RAB33A: variants seen among roughly 807,000 people sequenced by gnomAD.
RAB33A encodes RAB33A, member RAS oncogene family.
In RAB33A, 6 loss-of-function variants were observed where a neutral mutation model predicts 12.0. That is an observed-to-expected ratio of 0.50 (90% CI 0.27 to 0.99). The LOEUF is 0.99. Among genes scored for constraint, RAB33A ranks in the 50% least tolerant of loss-of-function variants. RAB33A has a pLI of 0.11. For synonymous variants in RAB33A, 70 were observed against 82.4 expected, an observed-to-expected ratio of 0.85 and a Z score of 0.81; for missense variants, 109 against 192.0, an observed-to-expected ratio of 0.57 and a Z score of 2.55.
At chrX:130,130,147 C>T in the RAB33A span, 5 of 1,210,130 alleles carry the variant, frequency 4.1e-6, no homozygotes, top group Admixed American at 6.6e-5. Context: ...CTGTCTCACT[C>T]TCTGATCGGA....
chrX:130,137,823 G>A, the RAB33A span: 1,960 of 815,102 alleles, frequency 2.4e-3, 29 homozygotes, highest in African/African-American at 0.039. Flanking sequence ...AGCACTTTGG[G>A]TGGCCGAGGT....
At chrX:130,174,601 C>T (rs925022760) in intron 1 of RAB33A, among the ~76,000 whole-genome samples, 4 of 112,096 alleles carry the variant, frequency 3.6e-5, no homozygotes, top group African/African-American at 1.3e-4. Flanking sequence ...TCGTCCTTTG[C>T]GAGAGAGAGA....
the RAB33A span, among the ~76,000 whole-genome samples, chrX:130,141,099 G>A: frequency 8.9e-6 from 1 of 112,024 alleles, no homozygotes; most frequent in Non-Finnish European, 1.9e-5. Flanking sequence ...CTGGGCAACA[G>A]AGCAAGATTC....
the RAB33A span, among the ~76,000 whole-genome samples, chrX:130,113,955 G>T: frequency 8.9e-6 from 1 of 112,111 alleles, no homozygotes; most frequent in African/African-American, 3.2e-5. Context: ...AGTGTCTGGT[G>T]CCCAGTAAGT....
chrX:130,170,114 G>T (rs921573356), upstream of RAB33A, among the ~76,000 whole-genome samples: 1 of 112,450 alleles, frequency 8.9e-6, no homozygotes, highest in African/African-American at 3.2e-5. Context: ...GTATAATGTA[G>T]GGTTTTAGAA....
chrX:130,115,380 A>G, the RAB33A span, among the ~76,000 whole-genome samples: 37 of 112,143 alleles, frequency 3.3e-4, no homozygotes, highest in Non-Finnish European at 7.0e-4. Flanking sequence ...TGGGAAGCCG[A>G]GGCAGATGAA....
At chrX:130,144,739 T>C in the RAB33A span, among the ~76,000 whole-genome samples, 1 of 112,447 alleles carries the variant, frequency 8.9e-6, no homozygotes, top group East Asian at 2.8e-4. Flanking sequence ...TATTTATGTT[T>C]CTGCCTAATA....
chrX:130,136,864 G>C, the RAB33A span: 8 of 999,909 alleles, frequency 8.0e-6, 1 homozygote, highest in South Asian at 1.6e-4. Flanking sequence ...AGAGCTGCAA[G>C]AACCTACACC....
At chrX:130,131,230 G>A in the RAB33A span, among the ~76,000 whole-genome samples, 4 of 111,903 alleles carry the variant, frequency 3.6e-5, no homozygotes, top group Non-Finnish European at 7.5e-5. Context: ...TCCTCCCTGC[G>A]CAGGACCCAT....
At chrX:130,131,539 G>T in the RAB33A span, 1 of 942,756 alleles carries the variant, frequency 1.1e-6, no homozygotes, top group Non-Finnish European at 1.5e-6. Flanking sequence ...CTTGGGGTTT[G>T]GTTTCTTTTA....
chrX:130,162,588 C>G, the RAB33A span, among the ~76,000 whole-genome samples: 1 of 112,287 alleles, frequency 8.9e-6, no homozygotes, highest in South Asian at 3.7e-4. Flanking sequence ...AAAGCCTTGT[C>G]TCAGCAGAAA....
At chrX:130,176,391 C>T (rs1417554582) in intron 1 of RAB33A, among the ~76,000 whole-genome samples, 1 of 111,732 alleles carries the variant, frequency 8.9e-6, no homozygotes, top group Non-Finnish European at 1.9e-5. Context: ...AGTTTGGTTC[C>T]TCCCACAGGC....
chrX:130,146,238 G>A, the RAB33A span, among the ~76,000 whole-genome samples: 2 of 111,407 alleles, frequency 1.8e-5, no homozygotes, highest in Admixed American at 1.9e-4. Flanking sequence ...AGGAGTTTGA[G>A]ACCAGATTGG....
At chrX:130,112,317 G>GA in the RAB33A span, among the ~76,000 whole-genome samples, 1 of 41 alleles carries the variant, frequency 0.024, no homozygotes, top group African/African-American at 0.14. Flanking sequence ...TCATCCACGA[G>GA]GTCCCCTCTC....
chrX:130,148,551 C>T, the RAB33A span, among the ~76,000 whole-genome samples: 7 of 111,280 alleles, frequency 6.3e-5, no homozygotes, highest in East Asian at 2.8e-4. Flanking sequence ...AAACAGCTTT[C>T]GGCTGGGCGT....
chrX:130,117,364 G>C, the RAB33A span, among the ~76,000 whole-genome samples: 1 of 112,416 alleles, frequency 8.9e-6, no homozygotes, highest in Non-Finnish European at 1.9e-5. Context: ...GGATGATGCC[G>C]ACACAGGAGG....
intron 1 of RAB33A, 47 bp downstream of exon 1, chrX:130,172,367 C>A (rs2031619833): frequency 8.6e-7 from 1 of 1,158,532 alleles, no homozygotes; most frequent in Non-Finnish European, 1.2e-6. Context: ...CGGGAGGGGA[C>A]CTCGCCCGAG....
chrX:130,182,157 A>AAAATAT (rs1384841230), intron 1 of RAB33A, among the ~76,000 whole-genome samples: 2 of 44,619 alleles, frequency 4.5e-5, no homozygotes, highest in East Asian at 7.9e-4. Flanking sequence ...AAAAAAAAAA[A>AAAATAT]ATATATATAT....
At chrX:130,141,749 C>G in the RAB33A span, among the ~76,000 whole-genome samples, 2 of 112,072 alleles carry the variant, frequency 1.8e-5, no homozygotes, top group East Asian at 5.6e-4. Flanking sequence ...ACCTTGGAAC[C>G]TGGCTCATAC....
Sources: gnomAD v4.1 joint callset for allele counts (sites outside exome capture counted in the v4.1 genomes callset) on GRCh38, gnomAD v4.1.1 for gene constraint, MANE v1.5 for transcripts, NCBI Gene and HGNC (gene_info 2026-07-23, HGNC 2026-07-21) for gene names.